Variants in CC2D2A observed in about 807,000 individuals in gnomAD.
CC2D2A encodes the protein coiled-coil and C2 domain-containing protein 2A.
CC2D2A carries 155 observed loss-of-function variants against 212.9 expected under a neutral mutation model. The observed-to-expected ratio is 0.73, with a 90% CI of 0.64 to 0.83. The LOEUF is 0.83. Ranked by LOEUF, CC2D2A falls within the 40% of genes least tolerant of loss-of-function variation. The probability of loss-of-function intolerance (pLI) is 0.00; values close to 1 mark genes in which losing one functional copy is unlikely to be tolerated. For synonymous variants in CC2D2A, 667 were observed against 686.5 expected (o/e 0.97, Z 0.44); for missense variants, 1,856 against 1,956.2 (o/e 0.95, Z 0.97).
At chr4:15,528,172 G>A (rs1422748571) in intron 12 of CC2D2A, among the ~76,000 whole-genome samples, 4 of 152,136 alleles carry the variant, frequency 2.6e-5, no homozygotes, top group South Asian at 4.1e-4. Flanking sequence ...TTGGTCTCAC[G>A]CCCTGACTTT....
chr4:15,500,107 G>GTGTGTGTGTGTATATATATATATATA (rs1479141284), intron 4 of CC2D2A, among the ~76,000 whole-genome samples: 1 of 112,932 alleles, frequency 8.9e-6, no homozygotes, highest in African/African-American at 3.6e-5. Flanking sequence ...GTGTGTGTGT[G>GTGTGTGTGTGTATATATATATATATA]TATATATATA....
intron 33 of CC2D2A, among the ~76,000 whole-genome samples, chr4:15,592,122 A>G (rs557595347): frequency 8.5e-5 from 13 of 152,256 alleles, no homozygotes; most frequent in Middle Eastern, 3.4e-3. Context: ...TTTCCAAGGA[A>G]TAAGTCTCTT....
rs147176160 is a variant in CC2D2A, at chr4:15,587,814, A to G, written c.4066-2A>G. 3 of 1,577,854 alleles carry G rather than the reference A, an allele frequency of 1.9e-6. No homozygotes were observed. Among genetic ancestry groups the G allele is most frequent in the African/African-American group, 2.7e-5 (2 of 74,274 alleles). On this transcript the variant is annotated splice_acceptor_variant, in intron 31 of 36. Transcript: ENST00000424120. LOFTEE classifies it high-confidence loss of function. The stretch of plus-strand genomic sequence containing the variant: ...AACATAATTTTTTTTTCTTTTTGTC[A>G]GCAATTTCTTGATCTCCTGGCAGGG...
At chr4:15,474,142 T>C (rs897221102) in intron 1 of CC2D2A, among the ~76,000 whole-genome samples, 2 of 152,090 alleles carry the variant, frequency 1.3e-5, no homozygotes, top group African/African-American at 4.8e-5. Context: ...CTATCTTTGG[T>C]GGTCTGAGAG....
intron 13 of CC2D2A, among the ~76,000 whole-genome samples, chr4:15,529,451 C>T (rs539636435): frequency 6.9e-4 from 105 of 151,722 alleles, no homozygotes; most frequent in African/African-American, 2.1e-3. Flanking sequence ...TCTTGATATA[C>T]GCTTACAGTG....
At chr4:15,487,545 T>A in intron 4 of CC2D2A, among the ~76,000 whole-genome samples, 1 of 152,106 alleles carries the variant, frequency 6.6e-6, no homozygotes, top group East Asian at 1.9e-4. Flanking sequence ...ACAGGTGAAA[T>A]GAGTTTCTTA....
intron 3 of CC2D2A, 91 bp downstream of exon 3, chr4:15,478,897 C>G (rs1186521070): frequency 5.4e-6 from 6 of 1,111,428 alleles, no homozygotes; most frequent in South Asian, 1.4e-5. Flanking sequence ...ACAAGGGCAG[C>G]CTTCCTTCTT....
At position 15,601,431 on chromosome 4, in the gene CC2D2A, TTC is replaced by T; in HGVS notation, c.*7_*8del. Reference sequence around the variant, plus strand: ...CTCTTATACGCAACAGGTAATTTTTTTCACTGTACTTTCTGTATCATGTAAAA... The same window carrying T: ...CTCTTATACGCAACAGGTAATTTTTTACTGTACTTTCTGTATCATGTAAAA... On this transcript the variant is annotated 3_prime_UTR_variant, in exon 37 of 37. Transcript: ENST00000424120. The T allele has an allele frequency of 6.9e-7, 1 of 1,457,644 alleles. No individual in the cohort carries two copies. Among genetic ancestry groups the T allele is most frequent in the Non-Finnish European group, 9.1e-7 (1 of 1,098,270 alleles). The allele number at this position is 1,457,644 out of a possible 1,614,324, so 90.3% of individuals were successfully genotyped here.
At chr4:15,480,543 C>T (rs1020819561) in intron 3 of CC2D2A, among the ~76,000 whole-genome samples, 161 bp from the exon 4 acceptor site, 3 of 152,160 alleles carry the variant, frequency 2.0e-5, no homozygotes, top group African/African-American at 7.2e-5. Flanking sequence ...GCACCTCTTC[C>T]CTGGTGGGTA....
intron 4 of CC2D2A, among the ~76,000 whole-genome samples, chr4:15,494,714 G>A (rs963634166): frequency 6.6e-6 from 1 of 152,148 alleles, no homozygotes; most frequent in Non-Finnish European, 1.5e-5. Flanking sequence ...AGCATTAATT[G>A]TGGCTTAAAG....
At chr4:15,567,070 C>T (rs1485240069) in intron 24 of CC2D2A, among the ~76,000 whole-genome samples, 1 of 152,052 alleles carries the variant, frequency 6.6e-6, no homozygotes, top group East Asian at 1.9e-4. Context: ...ATTACTTGAG[C>T]TCAGAAGTTT....
chr4:15,493,428 T>G (rs1305384278), intron 4 of CC2D2A, among the ~76,000 whole-genome samples: 1 of 152,020 alleles, frequency 6.6e-6, no homozygotes, highest in Non-Finnish European at 1.5e-5. Context: ...ACTACAGGTG[T>G]ACACCATCAT....
chr4:15,482,189 A>G, intron 4 of CC2D2A: 1 of 985,464 alleles, frequency 1.0e-6, no homozygotes, highest in South Asian at 4.7e-5. Flanking sequence ...TTAGATTGGA[A>G]AAATGTGGTT....
chr4:15,475,948 G>C lies in CC2D2A; in HGVS notation c.16G>C (p.Glu6Gln). ...CCCAGCCAAAATGAATCCCAGGGAA[G>C]AAAAAGTAAAAATAATTACAGAGGT... MNPRE[E>Q]KVKIITEEFI... Residue 6 changes from glutamate to glutamine, a missense_variant, in exon 2 of 37, where the codon GAA becomes CAA. By Grantham distance (29) the Glu-to-Gln change is conservative. This residue lies in a region of CC2D2A where 1,512 missense variants were observed against 1,579.3 expected (regional missense o/e 0.96). Coordinates refer to ENST00000424120, the MANE Select transcript of CC2D2A (RefSeq NM_001378615.1). The C allele has an allele frequency of 6.3e-7, 1 of 1,590,734 alleles. No individual in the cohort carries two copies. The highest frequency in any genetic ancestry group is 2.3e-5 in the East Asian group (1 of 44,070).
intron 4 of CC2D2A, among the ~76,000 whole-genome samples, chr4:15,487,813 A>G (rs1323190223): frequency 1.5e-5 from 2 of 136,134 alleles, no homozygotes; most frequent in East Asian, 4.1e-4. Flanking sequence ...TGTACCTGTC[A>G]TAGGTTTTTG....
intron 3 of CC2D2A, among the ~76,000 whole-genome samples, chr4:15,479,953 T>G (rs1187685053): frequency 1.3e-5 from 2 of 152,144 alleles, no homozygotes; most frequent in Non-Finnish European, 2.9e-5. Flanking sequence ...TGGAACTTTA[T>G]AGGTTGGGAG....
chr4:15,515,950 G>C lies in CC2D2A; in HGVS notation c.963G>C (p.Glu321Asp). The C allele has an allele frequency of 6.3e-7, 1 of 1,577,164 alleles. No individual in the cohort carries two copies. Among genetic ancestry groups the C allele is most frequent in the Non-Finnish European group, 8.6e-7 (1 of 1,160,988 alleles). The change falls in exon 10 of 37, where the codon GAG (glutamate) becomes GAC (aspartate). Residue 321 changes from glutamate to aspartate, a missense_variant. Physicochemically the swap from Glu to Asp is conservative, Grantham distance 45 (BLOSUM62 2). Coordinates refer to ENST00000424120, the MANE Select transcript of CC2D2A (RefSeq NM_001378615.1). ...DEGLYTGVRP[E>D]VARTNQNIME... ...GCCTTTACACCGGGGTAAGACCAGA[G>C]GTGGCACGCACCAATCAGAACATCA...
At chr4:15,573,841 G>C (rs898851166) in intron 28 of CC2D2A, among the ~76,000 whole-genome samples, 1 of 152,100 alleles carries the variant, frequency 6.6e-6, no homozygotes, top group African/African-American at 2.4e-5. Context: ...TTTTACTAAT[G>C]AGGAAGCCTC....
Position 15,527,560 on chromosome 4 carries a change from T to TGGCATGTTTTGGC in CC2D2A, c.1263_1264insGGCATGTTTTGGC (p.Ser422GlyfsTer19), listed in dbSNP as rs762998472. The TGGCATGTTTTGGC allele has an allele frequency of 3.7e-6, 6 of 1,613,588 alleles. No individual in the cohort carries two copies. The highest frequency in any genetic ancestry group is 5.1e-6 in the Non-Finnish European group (6 of 1,179,714). On this transcript the variant is annotated frameshift_variant, in exon 12 of 37. Coordinates refer to ENST00000424120, the MANE Select transcript of CC2D2A (RefSeq NM_001378615.1). LOFTEE classifies it high-confidence loss of function. Reference sequence around the variant, plus strand: ...TAATCTTCACTCATCATCCCTGTTTTAGCCGAGAGCATGTTTTGGCAGCCA... The same window carrying TGGCATGTTTTGGC: ...TAATCTTCACTCATCATCCCTGTTTTGGCATGTTTTGGCAGCCGAGAGCATGTTTTGGCAGCCA...
Sources: gnomAD v4.1 joint callset for allele counts (sites outside exome capture counted in the v4.1 genomes callset) on GRCh38, gnomAD v4.1.1 for gene constraint, gnomAD v4.1.1 regional missense constraint, MANE v1.5 for transcripts, NCBI Gene and HGNC (gene_info 2026-07-23, HGNC 2026-07-21) for gene names.